The following RAB1A variants were observed in gnomAD, a reference collection of about 807,000 sequenced individuals.
The protein encoded by RAB1A is ras-related protein Rab-1A.
A neutral mutation model predicts 26.0 loss-of-function variants in RAB1A; 2 were observed. That is an observed-to-expected ratio of 0.08 (90% confidence interval 0.03 to 0.24). The LOEUF is 0.24. Ranked by LOEUF, RAB1A falls within the 10% of genes least tolerant of loss-of-function variation. The pLI is 1.00. For missense variants in RAB1A, 100 were observed against 247.0 expected (o/e 0.40, Z 3.99); for synonymous variants, 84 against 84.9 (o/e 0.99, Z 0.06).
chr2:65,101,444 TTAA>T (rs937835503), intron 2 of RAB1A, among the ~76,000 whole-genome samples: 13 of 152,156 alleles, frequency 8.5e-5, no homozygotes, highest in African/African-American at 3.1e-4. Context: ...ATTGTCTCTA[TTAA>T]TATTTTGAGG....
chr2:65,126,966 C>T (rs1670115212), intron 1 of RAB1A, among the ~76,000 whole-genome samples: 1 of 152,158 alleles, frequency 6.6e-6, no homozygotes, highest in Non-Finnish European at 1.5e-5. Flanking sequence ...TGTGACCTCC[C>T]CTAATAAAAT....
chr2:65,114,019 G>C, intron 1 of RAB1A: 1 of 286,140 alleles, frequency 3.5e-6, no homozygotes, highest in Non-Finnish European at 7.2e-6. Flanking sequence ...TTCAGCATAT[G>C]TCAGCACAGC....
In RAB1A at chr2:65,129,863, C is replaced by G. The variant is rs774386186; in HGVS notation, c.23+30G>C. ...AAGATCCCCCAAGCTGGCCCACGGA[C>G]CCAGCCGACCGGTGCTCTCCTGAAC... On this transcript the variant is annotated intron_variant, in intron 1 of 5. Transcript: ENST00000409784. 14 of 1,587,936 alleles carry G rather than the reference C, an allele frequency of 8.8e-6. No homozygotes were observed. The African/African-American group carries it at 1.3e-4, about 15-fold the overall frequency.
chr2:65,113,290 T>C (rs981483274), intron 1 of RAB1A, among the ~76,000 whole-genome samples: 1 of 152,200 alleles, frequency 6.6e-6, no homozygotes, highest in Non-Finnish European at 1.5e-5. Flanking sequence ...ATAGTCTTGA[T>C]GTCCGCTGAT....
intron 1 of RAB1A, among the ~76,000 whole-genome samples, chr2:65,129,418 G>C (rs12713532): frequency 0.65 from 98,704 of 151,780 alleles, 32,391 homozygotes; most frequent in Non-Finnish European, 0.69. Flanking sequence ...AGGAGAGAGA[G>C]CCAACAAGCT....
intron 3 of RAB1A, among the ~76,000 whole-genome samples, chr2:65,096,895 C>T (rs58141624): frequency 0.039 from 5,886 of 152,280 alleles, 364 homozygotes; most frequent in African/African-American, 0.13. Context: ...GGCTTTCACA[C>T]GTATTGTCAC....
intron 1 of RAB1A, among the ~76,000 whole-genome samples, chr2:65,108,910 T>C (rs1038137501): frequency 1.2e-4 from 18 of 152,298 alleles, no homozygotes; most frequent in Admixed American, 6.5e-4. Flanking sequence ...TATAAGACAA[T>C]CTTTGCAAAA....
chr2:65,120,533 T>C (rs1039730736), intron 1 of RAB1A, among the ~76,000 whole-genome samples: 3 of 151,648 alleles, frequency 2.0e-5, no homozygotes, highest in African/African-American at 7.3e-5. Flanking sequence ...CACTCTCAGA[T>C]TTTCACATTT....
Position 65,087,219 on chromosome 2 carries a change from C to A in RAB1A, c.*1274G>T, listed in dbSNP as rs918695647. On this transcript the variant is annotated 3_prime_UTR_variant, in exon 6 of 6. Transcript: ENST00000409784. ...TCACAATTAAAAACCAAACAAAACC[C>A]CCTAGGATCTTGAAGGTCCTATTTC... is the stretch of plus-strand genomic sequence containing the variant. The A allele has an allele frequency of 6.6e-6, 1 of 152,542 alleles. No homozygotes were observed. The highest frequency in any genetic ancestry group is 2.1e-4 in the South Asian group (1 of 4,832). The allele number at this position is 152,542 out of a possible 1,614,324, so 9.4% of individuals were successfully genotyped here.
At chr2:65,129,241 A>G (rs917063942) in intron 1 of RAB1A, among the ~76,000 whole-genome samples, 3 of 149,754 alleles carry the variant, frequency 2.0e-5, no homozygotes, top group Admixed American at 6.7e-5. Flanking sequence ...CCAGGTTTTT[A>G]TAGGAGGGCA....
chr2:65,096,112 C>A (rs939621999), intron 3 of RAB1A, among the ~76,000 whole-genome samples: 1 of 151,834 alleles, frequency 6.6e-6, no homozygotes, highest in African/African-American at 2.4e-5. Context: ...AAGATTGCAC[C>A]ACTGCACTCC....
At chr2:65,112,382 A>C (rs2103862781) in intron 1 of RAB1A, among the ~76,000 whole-genome samples, 1 of 152,160 alleles carries the variant, frequency 6.6e-6, no homozygotes, top group South Asian at 2.1e-4. Flanking sequence ...CCTGACCTCA[A>C]GTGATCCACC....
chr2:65,090,640 T>C (rs1164965472), intron 4 of RAB1A, among the ~76,000 whole-genome samples: 1 of 152,220 alleles, frequency 6.6e-6, no homozygotes, highest in Non-Finnish European at 1.5e-5. Context: ...TTCCTGTTAA[T>C]ACTTAACACC....
intron 4 of RAB1A, 103 bp downstream of exon 4, chr2:65,090,874 ATAAAAT>A (rs1019093059): frequency 3.3e-6 from 2 of 606,546 alleles, no homozygotes; most frequent in African/African-American, 3.8e-5. Context: ...GTTTTCTGCC[ATAAAAT>A]TAATACTGAT....
At chr2:65,092,056 C>T (rs1294368362) in intron 3 of RAB1A, among the ~76,000 whole-genome samples, 6 of 152,102 alleles carry the variant, frequency 3.9e-5, no homozygotes, top group Admixed American at 1.3e-4. Context: ...GGGCGGATTA[C>T]GAGCTCAGGA....
At chr2:65,103,771 TG>T (rs1388328330) in intron 2 of RAB1A, among the ~76,000 whole-genome samples, 1 of 151,836 alleles carries the variant, frequency 6.6e-6, no homozygotes, top group Non-Finnish European at 1.5e-5. Flanking sequence ...CATGCTAATT[TG>T]TTTTTTTATT....
At chr2:65,107,055 A>T (rs555173102) in intron 1 of RAB1A, among the ~76,000 whole-genome samples, 1 of 151,808 alleles carries the variant, frequency 6.6e-6, no homozygotes, top group African/African-American at 2.4e-5. Context: ...GCCTGGCCCC[A>T]AATATTCTTT....
chr2:65,114,679 T>C (rs1669782240), intron 1 of RAB1A, among the ~76,000 whole-genome samples: 1 of 151,500 alleles, frequency 6.6e-6, no homozygotes, highest in Admixed American at 6.6e-5. Context: ...CCGTCTCTAC[T>C]AAAAAAATAC....
At position 65,086,873 on chromosome 2, in the gene RAB1A, T is replaced by C. The variant is rs1183453879; in HGVS notation, c.*1620A>G. Reference sequence around the variant, plus strand: ...CTATAATACAAAGTAAACTATGATTTTTATTGTGAAATTTTCATAGATGGA... The same window carrying C: ...CTATAATACAAAGTAAACTATGATTCTTATTGTGAAATTTTCATAGATGGA... On this transcript the variant is annotated 3_prime_UTR_variant, in exon 6 of 6. Coordinates refer to ENST00000409784, the MANE Select transcript of RAB1A (RefSeq NM_004161.5). 1.3e-5 allele frequency: 2 copies of C among 152,648 alleles called. No individual in the cohort carries two copies. The highest frequency in any genetic ancestry group is 4.8e-5 in the African/African-American group (2 of 41,466). 9.5% of individuals were successfully genotyped at this position (152,648 alleles called of 1,614,324 possible).
Sources: allele counts gnomAD v4.1 joint callset (sites outside exome capture counted in the v4.1 genomes callset), GRCh38; gene constraint gnomAD v4.1.1; transcripts MANE v1.5; gene names NCBI Gene and HGNC (gene_info 2026-07-23, HGNC 2026-07-21).